Variants in RBPJ observed in about 807,000 individuals in gnomAD.
RBPJ encodes the protein recombination signal binding protein for immunoglobulin kappa J region.
Under a neutral mutation model 67.8 loss-of-function variants are expected in RBPJ, and 9 were observed. The observed-to-expected ratio is 0.13, with a 90% CI of 0.08 to 0.23. The LOEUF is 0.23. Ranked by LOEUF, RBPJ falls within the 10% of genes least tolerant of loss-of-function variation. The pLI, the probability that RBPJ is intolerant of heterozygous loss-of-function variation, is 1.00. For synonymous variants in RBPJ, 198 were observed against 203.3 expected, an observed-to-expected ratio of 0.97 and a Z score of 0.22; for missense variants, 305 against 595.6, an observed-to-expected ratio of 0.51 and a Z score of 5.08.
At chr4:26,412,376 C>T (rs1052502262) in intron 3 of RBPJ, among the ~76,000 whole-genome samples, 7 of 152,000 alleles carry the variant, frequency 4.6e-5, no homozygotes, top group African/African-American at 9.7e-5. Flanking sequence ...GGACTACAGG[C>T]GTGCGCCACC....
At chr4:26,241,485 C>T (rs1432790393) in intron 1 of RBPJ, among the ~76,000 whole-genome samples, 3 of 151,974 alleles carry the variant, frequency 2.0e-5, no homozygotes, top group Non-Finnish European at 4.4e-5. Context: ...GACCTGTCTT[C>T]TTTTCACTTT....
Position 26,193,281 on chromosome 4 carries a change from G to A in RBPJ, c.-167+29667G>A, listed in dbSNP as rs569682132. Among the ~76,000 whole-genome samples, 4 of 152,254 alleles carry A rather than the reference G, an allele frequency of 2.6e-5. No homozygotes were observed. In the South Asian group the frequency reaches 8.3e-4, roughly 32 times the overall value. ...GTGGAGGGATGAATATTCACAAAGC[G>A]TTTCATACAAGCTGATCACAGCAAC... On this transcript the variant is annotated intron_variant, in intron 1 of 4. Transcript: ENST00000512351.
chr4:26,380,122 G>A (rs1260730760), intron 1 of RBPJ, among the ~76,000 whole-genome samples: 2 of 152,138 alleles, frequency 1.3e-5, no homozygotes, highest in East Asian at 3.8e-4. Flanking sequence ...GCTATTTTCT[G>A]CACCTGTGGG....
upstream of RBPJ, among the ~76,000 whole-genome samples, chr4:26,160,471 T>G (rs954238483): frequency 6.6e-6 from 1 of 152,258 alleles, no homozygotes; most frequent in Admixed American, 6.5e-5. Flanking sequence ...AACTCTTTTT[T>G]TATGCAATGT....
chr4:26,360,197 T>C (rs1254497598), intron 1 of RBPJ, among the ~76,000 whole-genome samples: 1 of 152,176 alleles, frequency 6.6e-6, no homozygotes, highest in Non-Finnish European at 1.5e-5. Flanking sequence ...AAATGGAAAA[T>C]TGGATATACC....
At chr4:26,121,872 T>A in the RBPJ span, among the ~76,000 whole-genome samples, 1 of 56,054 alleles carries the variant, frequency 1.8e-5, no homozygotes, top group African/African-American at 6.7e-5. Context: ...TGAGTATCTC[T>A]CTTTTTTTTT....
chr4:26,272,669 G>GATTC (rs2109266023), intron 1 of RBPJ: 1 of 452,102 alleles, frequency 2.2e-6, no homozygotes, highest in East Asian at 7.0e-5. Context: ...TTTCCAAAGT[G>GATTC]ATTCATTCTT....
chr4:26,116,431 A>G, the RBPJ span, among the ~76,000 whole-genome samples: 1 of 152,214 alleles, frequency 6.6e-6, no homozygotes, highest in Non-Finnish European at 1.5e-5. Flanking sequence ...GCATGTTCAC[A>G]CACTATTTCT....
At chr4:26,278,456 A>G (rs1371548636) in intron 1 of RBPJ, among the ~76,000 whole-genome samples, 1 of 152,234 alleles carries the variant, frequency 6.6e-6, no homozygotes, top group East Asian at 1.9e-4. Context: ...TGGGTCATTT[A>G]CTGGGTAGAA....
intron 1 of RBPJ, among the ~76,000 whole-genome samples, chr4:26,370,616 TC>T (rs1729061761): frequency 1.3e-5 from 2 of 152,216 alleles, no homozygotes; most frequent in African/African-American, 4.8e-5. Flanking sequence ...GATTATCACT[TC>T]CTTGAAGTGG....
chr4:26,396,383 A>G (rs1341742710), intron 2 of RBPJ, among the ~76,000 whole-genome samples: 1 of 152,204 alleles, frequency 6.6e-6, no homozygotes, highest in Non-Finnish European at 1.5e-5. Context: ...GTAGGAAGAG[A>G]CTATGCGGTC....
chr4:26,424,858 A>G lies in RBPJ; in HGVS notation c.747+115A>G. 1.5e-6 allele frequency: 1 copy of G among 645,522 alleles called. No individual in the cohort carries two copies. Among genetic ancestry groups the G allele is most frequent in the Non-Finnish European group, 2.7e-6 (1 of 367,054 alleles). 40.0% of individuals were successfully genotyped at this position (645,522 alleles called of 1,614,324 possible). A position where few individuals can be genotyped will look rare whatever the true frequency, so the allele number is the denominator to read the frequency against. ...CCTCAGTTTTATGCTTTTTAATTTT[A>G]AAAGGTATGTTAGTAATCAGTGCTG... On this transcript the variant is annotated intron_variant, in intron 7 of 10. Coordinates refer to ENST00000355476, the MANE Select transcript of RBPJ (RefSeq NM_015874.6). The surrounding 1 kb of genome is among the most constrained non-coding windows in gnomAD (Gnocchi z 5.3).
intron 1 of RBPJ, among the ~76,000 whole-genome samples, chr4:26,250,518 C>A (rs183293071): frequency 6.6e-6 from 1 of 151,686 alleles, no homozygotes; most frequent in Non-Finnish European, 1.5e-5. Flanking sequence ...TTTTAGTAGA[C>A]CATGGGGTTT....
chr4:26,332,713 C>T (rs1432086088), intron 1 of RBPJ, among the ~76,000 whole-genome samples: 3 of 152,138 alleles, frequency 2.0e-5, no homozygotes, highest in Admixed American at 2.0e-4. Flanking sequence ...TGCAGTGGTG[C>T]CATCATATCC....
Position 26,346,370 on chromosome 4 carries a change from G to T in RBPJ, c.20+25322G>T, listed in dbSNP as rs148702270. On this transcript the variant is annotated intron_variant, in intron 1 of 10. Transcript: ENST00000355476. ...TAGGGCTCACAGATTGGTTGGGTCA[G>T]GTATGACGTTTACAGCGGGGAAGGC... Among the ~76,000 whole-genome samples the T allele has an allele frequency of 1.6e-4, 24 of 152,280 alleles. 1 individual carries two copies. The highest frequency in any genetic ancestry group is 5.5e-4 in the African/African-American group (23 of 41,556).
intron 7 of RBPJ, chr4:26,425,032 G>T: frequency 2.3e-6 from 1 of 426,186 alleles, no homozygotes. Context: ...ATCTGAAGAT[G>T]TTCAGTAGAG....
intron 1 of RBPJ, among the ~76,000 whole-genome samples, chr4:26,341,630 AAAC>A (rs1009272830): frequency 3.1e-4 from 46 of 148,268 alleles, no homozygotes; most frequent in African/African-American, 1.2e-3. Flanking sequence ...AAACAAAACA[AAAC>A]AAAAAAAAAC....
intron 1 of RBPJ, among the ~76,000 whole-genome samples, chr4:26,328,162 A>T (rs73113380): frequency 0.017 from 2,628 of 151,542 alleles, 85 homozygotes; most frequent in African/African-American, 0.06. Context: ...AATTACCTAG[A>T]TCTGTACAAA....
intron 1 of RBPJ, among the ~76,000 whole-genome samples, chr4:26,195,198 G>A (rs1248391651): frequency 1.3e-5 from 2 of 152,146 alleles, no homozygotes; most frequent in African/African-American, 2.4e-5. Flanking sequence ...GCGAGACCTT[G>A]TCTTTACAAA....
Sources: allele counts gnomAD v4.1 joint callset (sites outside exome capture counted in the v4.1 genomes callset), GRCh38; gene constraint gnomAD v4.1.1; non-coding constraint Gnocchi (gnomAD v3.1); transcripts MANE v1.5; gene names NCBI Gene and HGNC (gene_info 2026-07-23, HGNC 2026-07-21).